The following BLTP3B variants were observed in gnomAD, a reference collection of about 807,000 sequenced individuals.
BLTP3B encodes the protein bridge-like lipid transfer protein family member 3B, also known as UHRF1 (ICBP90) binding protein 1-like.
chr12:100,090,230 T>G, the BLTP3B span, among the ~76,000 whole-genome samples: 1 of 152,216 alleles, frequency 6.6e-6, no homozygotes, highest in South Asian at 2.1e-4. Flanking sequence ...ATGTGGTATG[T>G]CCTTTGAACT....
chr12:100,094,578 C>G, the BLTP3B span, among the ~76,000 whole-genome samples: 6 of 152,136 alleles, frequency 3.9e-5, no homozygotes, highest in Non-Finnish European at 8.8e-5. Context: ...AAGCCTAGGC[C>G]GGGCATGGTG....
the BLTP3B span, among the ~76,000 whole-genome samples, chr12:100,090,646 T>C: frequency 2.0e-5 from 3 of 152,160 alleles, no homozygotes; most frequent in Non-Finnish European, 4.4e-5. Context: ...TGAGAATCTC[T>C]TCATGAAAAT....
chr12:100,083,772 C>T, the BLTP3B span, among the ~76,000 whole-genome samples: 42,482 of 151,042 alleles, frequency 0.28, 8,630 homozygotes, highest in African/African-American at 0.58. Context: ...AAAAAAGAAA[C>T]CTTCTAGAAA....
chr12:100,054,453 T>C, the BLTP3B span, among the ~76,000 whole-genome samples: 1 of 152,214 alleles, frequency 6.6e-6, no homozygotes, highest in South Asian at 2.1e-4. Context: ...TCACTTTTAC[T>C]TATTATTTAA....
At chr12:100,047,666 T>G in the BLTP3B span, 5 of 1,458,596 alleles carry the variant, frequency 3.4e-6, no homozygotes, top group African/African-American at 7.0e-5. Context: ...AACATTGACA[T>G]GTTACTTCAT....
chr12:100,072,443 ATGC>A, the BLTP3B span, among the ~76,000 whole-genome samples: 1 of 152,114 alleles, frequency 6.6e-6, no homozygotes, highest in Non-Finnish European at 1.5e-5. Flanking sequence ...ACAGTGGTTC[ATGC>A]CTGCAATCCC....
chr12:100,079,634 A>G, the BLTP3B span, among the ~76,000 whole-genome samples: 1 of 152,218 alleles, frequency 6.6e-6, no homozygotes, highest in Non-Finnish European at 1.5e-5. Context: ...AGAAAACCCC[A>G]TTTTCTGAGG....
chr12:100,103,904 A>C, the BLTP3B span: 1 of 1,598,046 alleles, frequency 6.3e-7, no homozygotes, highest in Admixed American at 1.8e-5. Flanking sequence ...AAGTGGTTTC[A>C]GAACTCACCA....
chr12:100,141,148 A>C, the BLTP3B span, among the ~76,000 whole-genome samples: 1 of 152,078 alleles, frequency 6.6e-6, no homozygotes, highest in Non-Finnish European at 1.5e-5. Flanking sequence ...GGCCATATAT[A>C]TAATTTTAAA....
chr12:100,043,099 A>T, the BLTP3B span, among the ~76,000 whole-genome samples: 2 of 152,206 alleles, frequency 1.3e-5, no homozygotes, highest in Non-Finnish European at 2.9e-5. Context: ...ACGCCCAGCC[A>T]GCAATCAAGT....
the BLTP3B span, chr12:100,057,553 G>C: frequency 1.8e-5 from 28 of 1,592,234 alleles, no homozygotes; most frequent in Non-Finnish European, 2.1e-5. Flanking sequence ...GAATTCTTAA[G>C]CCGTATCATA....
the BLTP3B span, among the ~76,000 whole-genome samples, chr12:100,040,870 A>G: frequency 6.6e-6 from 1 of 152,334 alleles, no homozygotes; most frequent in East Asian, 1.9e-4. Flanking sequence ...AGGTGGCTTC[A>G]CTGGAGAATT....
chr12:100,090,939 T>A, the BLTP3B span, among the ~76,000 whole-genome samples: 2 of 151,886 alleles, frequency 1.3e-5, no homozygotes, highest in African/African-American at 2.4e-5. Flanking sequence ...CAAACCTTTT[T>A]CTTAATACTA....
chr12:100,065,507 C>T, the BLTP3B span, among the ~76,000 whole-genome samples: 93 of 152,252 alleles, frequency 6.1e-4, no homozygotes, highest in African/African-American at 2.0e-3. Context: ...AAAGGAATTG[C>T]ATTCCTGGGG....
At chr12:100,050,743 TC>T in the BLTP3B span, among the ~76,000 whole-genome samples, 1 of 151,976 alleles carries the variant, frequency 6.6e-6, no homozygotes, top group South Asian at 2.1e-4. Flanking sequence ...GCCCAGGAGT[TC>T]AAGGCTGCAG....
chr12:100,079,895 C>T, the BLTP3B span, among the ~76,000 whole-genome samples: 3 of 152,340 alleles, frequency 2.0e-5, no homozygotes, highest in East Asian at 3.9e-4. Context: ...AAGGGGCCAA[C>T]ACAGAGCTTG....
the BLTP3B span, among the ~76,000 whole-genome samples, chr12:100,126,600 T>C: frequency 2.0e-5 from 3 of 151,648 alleles, no homozygotes; most frequent in Non-Finnish European, 2.9e-5. Flanking sequence ...TCTACTGTTA[T>C]AAACAAAATT....
the BLTP3B span, chr12:100,084,343 G>GA: frequency 4.7e-4 from 439 of 932,862 alleles, no homozygotes; most frequent in South Asian, 1.4e-3. Context: ...TTAAAAAGAA[G>GA]AAAAAAAAAT....
chr12:100,116,418 C>A, the BLTP3B span, among the ~76,000 whole-genome samples: 4 of 135,080 alleles, frequency 3.0e-5, no homozygotes, highest in Non-Finnish European at 6.1e-5. Context: ...CACCACACTC[C>A]AGCCTGGGCA....
Sources: allele counts gnomAD v4.1 joint callset (sites outside exome capture counted in the v4.1 genomes callset), GRCh38; gene constraint gnomAD v4.1.1; transcripts MANE v1.5; gene names NCBI Gene and HGNC (gene_info 2026-07-23, HGNC 2026-07-21).